Variants in PARD3B observed in about 807,000 individuals in gnomAD.
PARD3B encodes the protein partitioning defective 3 homolog B.
In PARD3B, 103 loss-of-function variants were observed where a neutral mutation model predicts 130.2. The observed-to-expected ratio is 0.79, with a 90% CI of 0.67 to 0.93. PARD3B has a LOEUF of 0.93. PARD3B is among the 40% of genes least tolerant of loss of function. The pLI is 0.00. For synonymous variants in PARD3B, 583 were observed against 553.2 expected (o/e 1.05, Z -0.76); for missense variants, 1,609 against 1,499.2 (o/e 1.07, Z -1.21).
Position 205,298,902 on chromosome 2 carries a change from G to A in PARD3B, c.2186-1628G>A, listed in dbSNP as rs146421000. ...GCTGCCTCGGCCCAGCTCCTGGTCT[G>A]GATGCTTATTAAGTGTTTAACTTTA... On this transcript the variant is annotated intron_variant, in intron 16 of 22. Coordinates refer to ENST00000406610, the MANE Select transcript of PARD3B (RefSeq NM_001302769.2). Among the ~76,000 whole-genome samples the A allele has an allele frequency of 1.8e-4, 27 of 152,258 alleles. No homozygotes were observed. In the East Asian group the frequency reaches 4.6e-3, roughly 26 times the overall value.
intron 15 of PARD3B, among the ~76,000 whole-genome samples, chr2:205,205,598 T>C (rs1034924246): frequency 2.6e-5 from 4 of 152,200 alleles, no homozygotes; most frequent in Non-Finnish European, 5.9e-5. Context: ...TAAATCGTTT[T>C]TATTATTTTG....
intron 1 of PARD3B, among the ~76,000 whole-genome samples, chr2:204,589,705 A>G (rs2125092095): frequency 1.3e-5 from 2 of 152,360 alleles, no homozygotes; most frequent in Middle Eastern, 3.4e-3. Context: ...GCAACGATAA[A>G]GAGGTTTTGA....
At chr2:204,875,533 A>G (rs1265973050) in intron 2 of PARD3B, among the ~76,000 whole-genome samples, 1 of 152,076 alleles carries the variant, frequency 6.6e-6, no homozygotes, top group Non-Finnish European at 1.5e-5. Context: ...TGTATTTCCA[A>G]CCAATTCCGA....
intron 18 of PARD3B, among the ~76,000 whole-genome samples, chr2:205,324,103 G>C (rs964941530): frequency 6.6e-6 from 1 of 152,066 alleles, no homozygotes; most frequent in African/African-American, 2.4e-5. Context: ...TTTGTCAGGG[G>C]CTTTACAGTG....
chr2:205,482,190 C>T (rs1277905433), intron 20 of PARD3B, among the ~76,000 whole-genome samples: 1 of 152,146 alleles, frequency 6.6e-6, no homozygotes, highest in Non-Finnish European at 1.5e-5. Flanking sequence ...GACAAGGAGC[C>T]TTTAGACTCC....
At chr2:205,333,302 CA>C (rs1209067516) in intron 18 of PARD3B, among the ~76,000 whole-genome samples, 1 of 146,990 alleles carries the variant, frequency 6.8e-6, no homozygotes, top group Non-Finnish European at 1.5e-5. Flanking sequence ...GAGTAAAAGA[CA>C]CATTTTAGTA....
intron 1 of PARD3B, among the ~76,000 whole-genome samples, chr2:204,568,243 G>T (rs551350532): frequency 6.6e-6 from 1 of 152,270 alleles, no homozygotes; most frequent in South Asian, 2.1e-4. Context: ...CTTTCCATAG[G>T]TGGATAAATA....
At chr2:204,953,536 A>G (rs1235934675) in intron 2 of PARD3B, among the ~76,000 whole-genome samples, 1 of 152,146 alleles carries the variant, frequency 6.6e-6, no homozygotes, top group African/African-American at 2.4e-5. Context: ...TCTGTAACAC[A>G]CAAACACACT....
chr2:204,802,057 A>T (rs1163516843), intron 2 of PARD3B, among the ~76,000 whole-genome samples: 2 of 152,200 alleles, frequency 1.3e-5, no homozygotes, highest in African/African-American at 4.8e-5. Flanking sequence ...GATGAAGCCA[A>T]CTTGATTGTA....
intron 2 of PARD3B, among the ~76,000 whole-genome samples, chr2:204,713,633 A>G (rs75550589): frequency 0.035 from 5,330 of 152,096 alleles, 345 homozygotes; most frequent in African/African-American, 0.12. Context: ...TATTCTAAGT[A>G]CCTCATATAA....
intron 2 of PARD3B, among the ~76,000 whole-genome samples, chr2:204,957,783 C>G (rs1239125844): frequency 6.6e-6 from 1 of 152,090 alleles, no homozygotes; most frequent in African/African-American, 2.4e-5. Flanking sequence ...TCACTCCCTT[C>G]CCAAAGGTGA....
At chr2:204,982,862 C>T (rs1692793501) in intron 3 of PARD3B, among the ~76,000 whole-genome samples, 2 of 152,130 alleles carry the variant, frequency 1.3e-5, no homozygotes, top group African/African-American at 4.8e-5. Flanking sequence ...TTGTAGTATA[C>T]TCTGTAGAGC....
chr2:205,242,584 A>G (rs760224349), intron 15 of PARD3B, among the ~76,000 whole-genome samples: 5 of 152,188 alleles, frequency 3.3e-5, no homozygotes, highest in African/African-American at 7.2e-5. Flanking sequence ...GATCCATACA[A>G]TAACAATGTA....
intron 21 of PARD3B, among the ~76,000 whole-genome samples, chr2:205,510,720 G>A (rs1575204318): frequency 6.6e-6 from 1 of 152,142 alleles, no homozygotes; most frequent in East Asian, 1.9e-4. Flanking sequence ...AGAAATACCA[G>A]GGTCCAGTTA....
At chr2:204,806,988 T>A (rs2042789283) in intron 2 of PARD3B, among the ~76,000 whole-genome samples, 1 of 152,102 alleles carries the variant, frequency 6.6e-6, no homozygotes, top group African/African-American at 2.4e-5. Context: ...AACTCACAGT[T>A]CTATATGTCT....
At chr2:205,526,224 A>G (rs931932752) in intron 21 of PARD3B, among the ~76,000 whole-genome samples, 6 of 152,138 alleles carry the variant, frequency 3.9e-5, no homozygotes, top group Non-Finnish European at 4.4e-5. Context: ...CTGTGTACCC[A>G]TAGTCACATC....
chr2:204,906,392 T>C lies in PARD3B; in HGVS notation c.223-58760T>C, dbSNP rs919211205. 6.6e-6 allele frequency among the ~76,000 whole-genome samples: 1 copy of C among 152,174 alleles called. No individual in the cohort carries two copies. Among genetic ancestry groups the C allele is most frequent in the African/African-American group, 2.4e-5 (1 of 41,444 alleles). ...GCTAAAGCCCATTTTCCCCCTTTGT[T>C]TTCTCTTTTCATTGGTGTGTGTGTG... On this transcript the variant is annotated intron_variant, in intron 2 of 22. Transcript: ENST00000406610. The surrounding 1 kb of genome is among the most constrained non-coding windows in gnomAD (Gnocchi z 4.3).
intron 20 of PARD3B, among the ~76,000 whole-genome samples, chr2:205,478,375 G>T (rs1406156201): frequency 1.3e-5 from 2 of 152,184 alleles, no homozygotes; most frequent in African/African-American, 4.8e-5. Context: ...AATGTAGGTT[G>T]TTGAATTTTA....
chr2:204,847,331 A>AT (rs2044506108), intron 2 of PARD3B, among the ~76,000 whole-genome samples: 1 of 152,054 alleles, frequency 6.6e-6, no homozygotes, highest in Non-Finnish European at 1.5e-5. Flanking sequence ...GTGTATACAC[A>AT]TGCAGAATTG....
Sources: gnomAD v4.1 joint callset for allele counts (sites outside exome capture counted in the v4.1 genomes callset) on GRCh38, gnomAD v4.1.1 for gene constraint, Gnocchi (gnomAD v3.1) non-coding constraint, MANE v1.5 for transcripts, NCBI Gene and HGNC (gene_info 2026-07-23, HGNC 2026-07-21) for gene names.